Variants in OPCML observed in about 807,000 individuals in gnomAD.
OPCML encodes the protein opioid binding protein/cell adhesion molecule like, also known as opioid-binding protein/cell adhesion molecule.
Under a neutral mutation model 37.8 loss-of-function variants are expected in OPCML, and 13 were observed. That is an observed-to-expected ratio of 0.34 (90% CI 0.22 to 0.55). OPCML has a LOEUF of 0.55. OPCML is among the 20% of genes least tolerant of loss of function. OPCML has a pLI of 0.91. For synonymous variants in OPCML, 176 were observed against 168.8 expected (o/e 1.04, Z -0.33); for missense variants, 341 against 435.6 (o/e 0.78, Z 1.93).
chr11:132,727,132 A>G (rs988612528), intron 2 of OPCML, among the ~76,000 whole-genome samples: 1 of 152,100 alleles, frequency 6.6e-6, no homozygotes, highest in African/African-American at 2.4e-5. Flanking sequence ...GCATCAATCA[A>G]CTAATTTTCT....
At chr11:132,582,818 T>C (rs1016680205) in intron 3 of OPCML, among the ~76,000 whole-genome samples, 1 of 149,998 alleles carries the variant, frequency 6.7e-6, no homozygotes, top group Non-Finnish European at 1.5e-5. Flanking sequence ...ATAATAGGAG[T>C]GTCTTCAGAG....
At chr11:132,511,959 T>C (rs1051770701) in intron 4 of OPCML, among the ~76,000 whole-genome samples, 1 of 151,998 alleles carries the variant, frequency 6.6e-6, no homozygotes, top group Non-Finnish European at 1.5e-5. Context: ...GAGAAATTAT[T>C]CCGAATACAT....
chr11:132,804,245 A>C (rs955781642), intron 2 of OPCML, among the ~76,000 whole-genome samples: 1 of 152,194 alleles, frequency 6.6e-6, no homozygotes, highest in African/African-American at 2.4e-5. Flanking sequence ...ACCTGGAGAC[A>C]GTTTCCCAAC....
At chr11:132,429,024 A>AATGG (rs2095987264) in intron 7 of OPCML, among the ~76,000 whole-genome samples, 1 of 142,672 alleles carries the variant, frequency 7.0e-6, no homozygotes, top group African/African-American at 2.5e-5. Context: ...TGACTAGATG[A>AATGG]ATGGATGGAG....
intron 4 of OPCML, among the ~76,000 whole-genome samples, chr11:132,518,254 G>C (rs529333980): frequency 3.3e-5 from 5 of 152,170 alleles, no homozygotes; most frequent in Non-Finnish European, 5.9e-5. Context: ...AGGCCCCAGT[G>C]TGTGTTGTTC....
intron 1 of OPCML, among the ~76,000 whole-genome samples, chr11:132,947,345 C>A (rs992206330): frequency 9.9e-5 from 15 of 152,134 alleles, no homozygotes; most frequent in Admixed American, 2.0e-4. Context: ...AGAAATAAAC[C>A]AAGTATCCCA....
chr11:132,645,586 G>T (rs1374454167), intron 3 of OPCML, among the ~76,000 whole-genome samples: 1 of 152,136 alleles, frequency 6.6e-6, no homozygotes, highest in Non-Finnish European at 1.5e-5. Context: ...TTACAGTCTA[G>T]GAGAGCAAGA....
At chr11:132,919,659 G>A (rs145497617) in intron 2 of OPCML, among the ~76,000 whole-genome samples, 28 of 152,238 alleles carry the variant, frequency 1.8e-4, no homozygotes, top group Non-Finnish European at 4.0e-4. Context: ...GATGACACAC[G>A]TGCCCCTTTC....
intron 3 of OPCML, among the ~76,000 whole-genome samples, chr11:132,530,526 GTCC>G (rs1200269238): frequency 7.9e-5 from 12 of 151,984 alleles, no homozygotes; most frequent in Non-Finnish European, 1.5e-4. Context: ...GCAAACTGCT[GTCC>G]TCCTTACTCC....
intron 3 of OPCML, among the ~76,000 whole-genome samples, chr11:132,623,439 T>C (rs902539583): frequency 6.6e-6 from 1 of 152,180 alleles, no homozygotes; most frequent in Non-Finnish European, 1.5e-5. Flanking sequence ...AGAAAAGTTG[T>C]TGTCCTATTA....
intron 1 of OPCML, among the ~76,000 whole-genome samples, chr11:133,171,504 C>T (rs563551010): frequency 6.6e-6 from 1 of 152,316 alleles, no homozygotes; most frequent in African/African-American, 2.4e-5. Context: ...CTTAAAACCT[C>T]ATGTTTCATT....
intron 1 of OPCML, among the ~76,000 whole-genome samples, chr11:133,194,784 C>T (rs2136308232): frequency 6.6e-6 from 1 of 152,284 alleles, no homozygotes; most frequent in Middle Eastern, 3.4e-3. Context: ...GCTTCATCCC[C>T]ACATTTTCCC....
At chr11:132,885,176 T>G (rs1362564192) in intron 2 of OPCML, among the ~76,000 whole-genome samples, 5 of 152,232 alleles carry the variant, frequency 3.3e-5, no homozygotes, top group Non-Finnish European at 7.3e-5. Flanking sequence ...AAATGGACTG[T>G]GTCATTCTCT....
Position 133,413,510 on chromosome 11 carries a change from AAAAC to A in OPCML, c.61+118750_61+118753del, listed in dbSNP as rs201899086. 2.9e-3 allele frequency among the ~76,000 whole-genome samples: 438 copies of A among 151,930 alleles called. 13 individuals carry two copies. Among genetic ancestry groups the A allele is most frequent in the Admixed American group, 0.027 (406 of 15,250 alleles). On this transcript the variant is annotated intron_variant, in intron 1 of 7. Coordinates refer to ENST00000524381, the MANE Select transcript of OPCML (RefSeq NM_001012393.5). The stretch of plus-strand genomic sequence containing the variant: ...AAATAAATAAATAAATAAATATATA[AAAAC>A]AAACAAAAAAAAGAAATAGAACAGG...
intron 1 of OPCML, among the ~76,000 whole-genome samples, chr11:133,182,692 G>A (rs1192080026): frequency 1.3e-5 from 2 of 152,168 alleles, no homozygotes; most frequent in Non-Finnish European, 2.9e-5. Flanking sequence ...GCCAAGAGGT[G>A]GTTCACCTGC....
rs1278160350 is a variant in OPCML at position 132,709,052 on chromosome 11, A to G, written c.147-51733T>C. ...TAATAAACTTAAAGGGAATTTCACCAGTTGTCATTTCTCTTCTCTGGAATT... is the reference window on the plus strand; with the variant it reads ...TAATAAACTTAAAGGGAATTTCACCGGTTGTCATTTCTCTTCTCTGGAATT... On this transcript the variant is annotated intron_variant, in intron 2 of 7. Transcript: ENST00000524381. Among the ~76,000 whole-genome samples the G allele has an allele frequency of 2.0e-5, 3 of 152,200 alleles. No homozygotes were observed. The East Asian group carries it at 5.8e-4, about 29-fold the overall frequency.
intron 1 of OPCML, among the ~76,000 whole-genome samples, chr11:133,353,787 C>T (rs1039448255): frequency 9.2e-5 from 14 of 152,092 alleles, no homozygotes; most frequent in African/African-American, 1.4e-4. Flanking sequence ...AGCTTTTGGA[C>T]GATGTAGATA....
At chr11:132,637,559 T>C (rs1445887717) in intron 3 of OPCML, among the ~76,000 whole-genome samples, 1 of 152,222 alleles carries the variant, frequency 6.6e-6, no homozygotes, top group Non-Finnish European at 1.5e-5. Flanking sequence ...TGCTGAATTT[T>C]ATTTTTTTGG....
chr11:132,612,272 A>G (rs1938696755), intron 3 of OPCML, among the ~76,000 whole-genome samples: 1 of 152,212 alleles, frequency 6.6e-6, no homozygotes, highest in Non-Finnish European at 1.5e-5. Context: ...GGAAGTATTA[A>G]CTTTTTACAT....
Sources: allele counts gnomAD v4.1 joint callset (sites outside exome capture counted in the v4.1 genomes callset), GRCh38; gene constraint gnomAD v4.1.1; transcripts MANE v1.5; gene names NCBI Gene and HGNC (gene_info 2026-07-23, HGNC 2026-07-21).